PTPRZ1: variants seen among roughly 807,000 people sequenced by gnomAD.
PTPRZ1 encodes the protein receptor-type tyrosine-protein phosphatase zeta.
Under a neutral mutation model 214.1 loss-of-function variants are expected in PTPRZ1, and 82 were observed. That is an observed-to-expected ratio of 0.38 (90% CI 0.32 to 0.46). PTPRZ1 has a LOEUF of 0.46. Among genes scored for constraint, PTPRZ1 ranks in the 20% least tolerant of loss-of-function variants. PTPRZ1 has a pLI of 1.00. For synonymous variants in PTPRZ1, 945 were observed against 987.9 expected (o/e 0.96, Z 0.81); for missense variants, 2,603 against 2,748.7 (o/e 0.95, Z 1.19).
intron 10 of PTPRZ1, among the ~76,000 whole-genome samples, chr7:122,004,154 A>C (rs894812837): frequency 1.3e-5 from 2 of 152,202 alleles, no homozygotes; most frequent in African/African-American, 4.8e-5. Flanking sequence ...CTTAAGGAAG[A>C]GGTTGCTAAA....
At chr7:121,963,873 G>A (rs1256500740) in intron 2 of PTPRZ1, among the ~76,000 whole-genome samples, 1 of 152,028 alleles carries the variant, frequency 6.6e-6, no homozygotes, top group Non-Finnish European at 1.5e-5. Flanking sequence ...TCCACACTCA[G>A]TGTAATCATT....
intron 23 of PTPRZ1, among the ~76,000 whole-genome samples, chr7:122,047,993 C>G (rs1453061906): frequency 6.6e-6 from 1 of 151,868 alleles, no homozygotes; most frequent in East Asian, 1.9e-4. Context: ...TTAATAGATG[C>G]AGAGGGAAAA....
At chr7:121,996,618 C>A in intron 9 of PTPRZ1, 52 bp downstream of exon 9, 2 of 1,355,492 alleles carry the variant, frequency 1.5e-6, no homozygotes, top group Non-Finnish European at 2.0e-6. Context: ...ATTTAATTTC[C>A]AAGGTAAGAA....
chr7:122,042,767 T>G, intron 22 of PTPRZ1, 24 bp downstream of exon 22: 1 of 1,593,870 alleles, frequency 6.3e-7, no homozygotes, highest in Non-Finnish European at 8.6e-7. Context: ...AAAGATGATT[T>G]TATTCATCTA....
chr7:121,931,707 G>T (rs771428547), intron 2 of PTPRZ1, among the ~76,000 whole-genome samples: 1 of 152,164 alleles, frequency 6.6e-6, no homozygotes, highest in African/African-American at 2.4e-5. Flanking sequence ...ATCTTAGGAG[G>T]CAACCACAGA....
intron 1 of PTPRZ1, among the ~76,000 whole-genome samples, chr7:121,920,206 A>G (rs1395248894): frequency 6.6e-6 from 1 of 152,152 alleles, no homozygotes; most frequent in African/African-American, 2.4e-5. Context: ...AGTGACCCCA[A>G]TCAGAAAGGG....
intron 17 of PTPRZ1, among the ~76,000 whole-genome samples, chr7:122,034,739 C>A (rs1200959695): frequency 2.6e-5 from 4 of 151,970 alleles, no homozygotes; most frequent in Admixed American, 2.6e-4. Context: ...ATTTACCAAC[C>A]GAATTACATT....
At chr7:121,918,890 G>C (rs1251034110) in intron 1 of PTPRZ1, among the ~76,000 whole-genome samples, 3 of 151,198 alleles carry the variant, frequency 2.0e-5, no homozygotes, top group Non-Finnish European at 3.0e-5. Flanking sequence ...ACTTATAATG[G>C]CTTCACGTCA....
chr7:122,013,947 A>T, intron 12 of PTPRZ1, 58 bp downstream of exon 12: 1 of 1,369,278 alleles, frequency 7.3e-7, no homozygotes, highest in African/African-American at 1.5e-5. Context: ...CTCTAAAAGT[A>T]AAATGAAAAT....
chr7:121,918,045 T>TAAAA (rs76675001), intron 1 of PTPRZ1, among the ~76,000 whole-genome samples: 1 of 142,480 alleles, frequency 7.0e-6, no homozygotes. Context: ...CTAGACCGGC[T>TAAAA]AAAAAAAAAA....
chr7:122,002,081 A>G (rs1325456556), intron 10 of PTPRZ1, among the ~76,000 whole-genome samples: 1 of 152,210 alleles, frequency 6.6e-6, no homozygotes, highest in Admixed American at 6.5e-5. Flanking sequence ...CTTTGAGTTC[A>G]GGATGTTGAA....
At chr7:122,041,627 G>A (rs1292433025) in intron 21 of PTPRZ1, among the ~76,000 whole-genome samples, 1 of 152,182 alleles carries the variant, frequency 6.6e-6, no homozygotes, top group Non-Finnish European at 1.5e-5. Flanking sequence ...AATGTTTTCA[G>A]TTAAAATAAT....
At position 122,058,861 on chromosome 7, in the gene PTPRZ1, C is replaced by G; in HGVS notation, c.6590C>G (p.Pro2197Arg). ...CCTAAATGGCCAAATCCAGATAGCC[C>G]CATTAGTAAAACTTTTGAACTTATA... is the stretch of plus-strand genomic sequence containing the variant. ...QCPKWPNPDS[P>R]ISKTFELISV... is the part of the protein sequence containing the mutation. Residue 2197 changes from proline (P) to arginine (R), a missense_variant, in exon 28 of 30, where the codon CCC becomes CGC. Physicochemically the swap from Pro to Arg is moderately radical, Grantham distance 103. This residue lies in a region of PTPRZ1 where 165 missense variants were observed against 151.4 expected (regional missense o/e 1.09). Coordinates refer to ENST00000393386, the MANE Select transcript of PTPRZ1 (RefSeq NM_002851.3). The G allele has an allele frequency of 6.3e-7, 1 of 1,596,334 alleles. No individual in the cohort carries two copies. Among genetic ancestry groups the G allele is most frequent in the Non-Finnish European group, 8.6e-7 (1 of 1,164,274 alleles).
chr7:121,914,972 G>A (rs1398525958), intron 1 of PTPRZ1, among the ~76,000 whole-genome samples: 1 of 152,082 alleles, frequency 6.6e-6, no homozygotes, highest in Admixed American at 6.5e-5. Context: ...CTGGAAACGA[G>A]GGCAAAATTA....
intron 6 of PTPRZ1, among the ~76,000 whole-genome samples, chr7:121,980,039 T>C (rs1035034645): frequency 6.6e-6 from 1 of 151,402 alleles, no homozygotes; most frequent in African/African-American, 2.4e-5. Flanking sequence ...AAAAAAAAAA[T>C]CTTCTTCTGA....
chr7:121,898,804 G>A (rs1364827745), intron 1 of PTPRZ1, among the ~76,000 whole-genome samples: 1 of 152,062 alleles, frequency 6.6e-6, no homozygotes, highest in Non-Finnish European at 1.5e-5. Context: ...AAAAGTTCAG[G>A]GAAGCTCTTA....
intron 1 of PTPRZ1, among the ~76,000 whole-genome samples, chr7:121,886,463 AACACACACAC>A (rs148244179): frequency 0.17 from 25,407 of 147,994 alleles, 2,364 homozygotes; most frequent in East Asian, 0.29. Context: ...TATTAAATGT[AACACACACAC>A]ACACACACAC....
At chr7:121,898,281 A>G (rs1045065566) in intron 1 of PTPRZ1, among the ~76,000 whole-genome samples, 3 of 150,752 alleles carry the variant, frequency 2.0e-5, no homozygotes, top group Admixed American at 2.0e-4. Flanking sequence ...TTCATGTTCT[A>G]TGAATGATTC....
At chr7:121,935,442 G>A (rs977152502) in intron 2 of PTPRZ1, among the ~76,000 whole-genome samples, 4 of 152,070 alleles carry the variant, frequency 2.6e-5, no homozygotes, top group Admixed American at 6.5e-5. Context: ...TGTGTAGGAC[G>A]CATTGTGCTT....
Sources: allele counts gnomAD v4.1 joint callset (sites outside exome capture counted in the v4.1 genomes callset), GRCh38; gene constraint gnomAD v4.1.1; regional missense constraint gnomAD v4.1.1; transcripts MANE v1.5; gene names NCBI Gene and HGNC (gene_info 2026-07-23, HGNC 2026-07-21).